Variants in DPP6 observed in about 807,000 individuals in gnomAD.
DPP6 encodes the protein A-type potassium channel modulatory protein DPP6.
In DPP6, 69 loss-of-function variants were observed where a neutral mutation model predicts 122.6. The observed-to-expected ratio is 0.56, with a 90% CI of 0.46 to 0.69. The LOEUF (loss-of-function observed/expected upper bound fraction) is 0.69, where lower values mean the gene tolerates loss of function less well. DPP6 is among the 30% of genes least tolerant of loss of function. DPP6 has a pLI of 0.00. For missense variants in DPP6, 928 were observed against 1,116.9 expected, an observed-to-expected ratio of 0.83 and a Z score of 2.41; for synonymous variants, 418 against 433.1, an observed-to-expected ratio of 0.97 and a Z score of 0.43.
At chr7:154,181,035 T>C (rs569597085) in intron 1 of DPP6, among the ~76,000 whole-genome samples, 1 of 152,308 alleles carries the variant, frequency 6.6e-6, no homozygotes, top group East Asian at 1.9e-4. Flanking sequence ...CAGTACTGAC[T>C]CCTGTAGCTA....
At chr7:154,105,627 A>G (rs914285597) in intron 1 of DPP6, among the ~76,000 whole-genome samples, 8 of 152,096 alleles carry the variant, frequency 5.3e-5, no homozygotes, top group African/African-American at 1.9e-4. Context: ...AGTGGGAGGT[A>G]ATCGATTCAT....
At chr7:154,555,635 A>G (rs574876213) in intron 4 of DPP6, among the ~76,000 whole-genome samples, 1 of 152,042 alleles carries the variant, frequency 6.6e-6, no homozygotes, top group African/African-American at 2.4e-5. Flanking sequence ...AATAAAATTT[A>G]AAAAAATCCA....
rs570868662 is a variant in DPP6 at position 154,605,954 on chromosome 7, A to T, written c.628-31867A>T. ...TTACTCATGTGTTATTTTGTTTCCG[A>T]ATATATGCTTTATTTACCCTTTTCA... On this transcript the variant is annotated intron_variant, in intron 5 of 25. Coordinates refer to ENST00000377770, the MANE Select transcript of DPP6 (RefSeq NM_130797.4). Among the ~76,000 whole-genome samples the T allele has an allele frequency of 3.8e-3, 455 of 119,692 alleles. 67 individuals are homozygous for T. Among genetic ancestry groups the T allele is most frequent in the African/African-American group, 0.012 (443 of 37,808 alleles). The allele number at this position is 119,692 out of a possible 152,430, so 78.5% of individuals were successfully genotyped here.
intron 1 of DPP6, among the ~76,000 whole-genome samples, chr7:154,278,159 T>A (rs2150945432): frequency 6.6e-6 from 1 of 152,152 alleles, no homozygotes; most frequent in Admixed American, 6.5e-5. Context: ...CAGGGAGCGT[T>A]TTTCACCAAC....
In DPP6 at chr7:154,839,381, C is replaced by T. The variant is rs530355730; in HGVS notation, c.1667-14399C>T. 7.9e-5 allele frequency among the ~76,000 whole-genome samples: 12 copies of T among 152,352 alleles called. No homozygotes were observed. The South Asian group carries it at 2.1e-3, about 26-fold the overall frequency. On this transcript the variant is annotated intron_variant, in intron 16 of 25. Transcript: ENST00000377770. The stretch of plus-strand genomic sequence containing the variant: ...GACATAGACTCACACAGGGAGCAAA[C>T]GGAGCCCAGTGGAGCCCAGTAGAGG...
At chr7:154,478,690 C>G (rs1417439497) in intron 3 of DPP6, among the ~76,000 whole-genome samples, 1 of 152,130 alleles carries the variant, frequency 6.6e-6, no homozygotes, top group Non-Finnish European at 1.5e-5. Flanking sequence ...CTGATTTGAA[C>G]CTAGGTCTGT....
intron 16 of DPP6, among the ~76,000 whole-genome samples, chr7:154,852,940 G>A (rs1331768817): frequency 1.3e-5 from 2 of 152,216 alleles, no homozygotes; most frequent in Non-Finnish European, 2.9e-5. Flanking sequence ...ATTTCAGGCA[G>A]TGAGAACAAG....
At chr7:153,951,611 G>T (rs1802216834) in intron 1 of DPP6, among the ~76,000 whole-genome samples, 2 of 152,188 alleles carry the variant, frequency 1.3e-5, no homozygotes, top group Non-Finnish European at 2.9e-5. Context: ...GATCAGCCTT[G>T]CTGTCCAGGA....
chr7:153,928,416 T>TTTTTTTTTTTTTTTTTC (rs1265466198), intron 1 of DPP6, among the ~76,000 whole-genome samples: 1 of 130,450 alleles, frequency 7.7e-6, no homozygotes, highest in African/African-American at 3.0e-5. Context: ...TTTTTTTTTT[T>TTTTTTTTTTTTTTTTTC]TTTTTGGTAG....
At chr7:153,828,654 T>A in the DPP6 span, among the ~76,000 whole-genome samples, 1 of 152,186 alleles carries the variant, frequency 6.6e-6, no homozygotes, top group South Asian at 2.1e-4. Context: ...CATGTTTGTA[T>A]GTGCGTGGGG....
At chr7:154,720,260 G>A (rs1841729298) in intron 7 of DPP6, among the ~76,000 whole-genome samples, 1 of 152,190 alleles carries the variant, frequency 6.6e-6, no homozygotes, top group South Asian at 2.1e-4. Context: ...AGCAGGCAGA[G>A]CTTCCAGGCA....
chr7:154,176,854 T>C (rs926473266), intron 1 of DPP6, among the ~76,000 whole-genome samples: 1 of 152,152 alleles, frequency 6.6e-6, no homozygotes, highest in Non-Finnish European at 1.5e-5. Context: ...TCTTTTTTTA[T>C]TTTTTGAGAC....
intron 12 of DPP6, among the ~76,000 whole-genome samples, chr7:154,798,576 T>A (rs1798175221): frequency 2.0e-5 from 3 of 152,204 alleles, no homozygotes; most frequent in Admixed American, 1.3e-4. Context: ...GTGACAGGTG[T>A]GTTTTCCTGG....
chr7:154,181,295 G>A (rs1798068617), intron 1 of DPP6, among the ~76,000 whole-genome samples: 1 of 152,156 alleles, frequency 6.6e-6, no homozygotes, highest in Non-Finnish European at 1.5e-5. Context: ...TTTCAGATAA[G>A]AGAGGAACAC....
At chr7:154,366,654 A>G (rs1324918525) in intron 1 of DPP6, among the ~76,000 whole-genome samples, 1 of 152,222 alleles carries the variant, frequency 6.6e-6, no homozygotes, top group Non-Finnish European at 1.5e-5. Context: ...ACCGCTGCTT[A>G]GGTTGAATGA....
At chr7:154,046,811 C>T (rs1415960057) in intron 1 of DPP6, among the ~76,000 whole-genome samples, 1 of 152,168 alleles carries the variant, frequency 6.6e-6, no homozygotes, top group Non-Finnish European at 1.5e-5. Flanking sequence ...AAGTTGTGCT[C>T]ACACTCAACC....
intron 5 of DPP6, among the ~76,000 whole-genome samples, chr7:154,620,757 G>A (rs191839956): frequency 9.2e-5 from 14 of 152,220 alleles, no homozygotes; most frequent in Middle Eastern, 3.4e-3. Flanking sequence ...CCATACCTTC[G>A]TTTGCAGTTT....
chr7:154,217,734 A>T (rs1800084519), intron 1 of DPP6, among the ~76,000 whole-genome samples: 1 of 151,994 alleles, frequency 6.6e-6, no homozygotes, highest in South Asian at 2.1e-4. Context: ...TCCCTTTCTC[A>T]CTCTGACAGG....
the DPP6 span, among the ~76,000 whole-genome samples, chr7:153,806,717 C>T: frequency 1.3e-5 from 2 of 151,958 alleles, no homozygotes; most frequent in East Asian, 3.9e-4. Flanking sequence ...TTTCTCCTTT[C>T]TGTCATTTTG....
Sources: allele counts gnomAD v4.1 joint callset (sites outside exome capture counted in the v4.1 genomes callset), GRCh38; gene constraint gnomAD v4.1.1; transcripts MANE v1.5; gene names NCBI Gene and HGNC (gene_info 2026-07-23, HGNC 2026-07-21).